DRGX: variants seen among roughly 807,000 people sequenced by gnomAD.
DRGX encodes the protein dorsal root ganglia homeobox protein.
Under a neutral mutation model 28.6 loss-of-function variants are expected in DRGX, and 21 were observed. The ratio of observed to expected loss-of-function variants is 0.73; its 90% CI spans 0.52 to 1.06. The LOEUF (loss-of-function observed/expected upper bound fraction) is 1.06, where lower values mean the gene tolerates loss of function less well. Ranked by LOEUF, DRGX falls within the 50% of genes least tolerant of loss-of-function variation. The pLI is 0.00. For synonymous variants in DRGX, 136 were observed against 139.1 expected (o/e 0.98, Z 0.16); for missense variants, 354 against 343.9 (o/e 1.03, Z -0.23).
At chr10:49,382,475 G>A (rs992202580) in intron 6 of DRGX, among the ~76,000 whole-genome samples, 7 of 152,216 alleles carry the variant, frequency 4.6e-5, no homozygotes, top group African/African-American at 7.2e-5. Flanking sequence ...CTCTGGGGAT[G>A]CAGGAAGATG....
At chr10:49,378,093 A>G (rs1341770917) in intron 6 of DRGX, among the ~76,000 whole-genome samples, 1 of 152,204 alleles carries the variant, frequency 6.6e-6, no homozygotes, top group Non-Finnish European at 1.5e-5. Context: ...TCCTACTAGT[A>G]TATTGAGAAA....
intron 4 of DRGX, among the ~76,000 whole-genome samples, chr10:49,388,460 G>GTTTC (rs1590370022): frequency 6.6e-6 from 1 of 152,136 alleles, no homozygotes; most frequent in Admixed American, 6.5e-5. Flanking sequence ...CTTTAACTGG[G>GTTTC]TTTCTTTCTT....
chr10:49,366,437 C>G, intron 6 of DRGX, 56 bp from the exon 7 acceptor site: 3 of 1,533,064 alleles, frequency 2.0e-6, no homozygotes, highest in Non-Finnish European at 1.8e-6. Flanking sequence ...CCTCTCAGGG[C>G]TGGGTGACAG....
chr10:49,383,062 G>C (rs1849794863), intron 6 of DRGX, among the ~76,000 whole-genome samples: 1 of 152,146 alleles, frequency 6.6e-6, no homozygotes, highest in Non-Finnish European at 1.5e-5. Flanking sequence ...CTGACCTGCT[G>C]ACTCCAAGGC....
chr10:49,366,693 A>G (rs1258543195), intron 6 of DRGX, among the ~76,000 whole-genome samples: 1 of 152,220 alleles, frequency 6.6e-6, no homozygotes, highest in Non-Finnish European at 1.5e-5. Context: ...AAATGGGGTA[A>G]TACCTACATT....
intron 2 of DRGX, among the ~76,000 whole-genome samples, chr10:49,394,477 C>T (rs1344744496): frequency 6.6e-6 from 1 of 152,154 alleles, no homozygotes; most frequent in Non-Finnish European, 1.5e-5. Flanking sequence ...AATGCCAGTC[C>T]GACGGTTACA....
Position 49,365,975 on chromosome 10 carries a change from G to T in DRGX, c.*141C>A. Reference sequence around the variant, plus strand: ...GCTCCAGGTGCCAAGGGAGCTGTGGGTCTCACTTGCCCGTCCTGGGTCCAT... The same window carrying T: ...GCTCCAGGTGCCAAGGGAGCTGTGGTTCTCACTTGCCCGTCCTGGGTCCAT... On this transcript the variant is annotated 3_prime_UTR_variant, in exon 7 of 7. Transcript: ENST00000374139. 1 of 1,006,782 alleles carries T rather than the reference G, an allele frequency of 9.9e-7. No homozygotes were observed. Among genetic ancestry groups the T allele is most frequent in the Non-Finnish European group, 1.4e-6 (1 of 738,212 alleles). 62.4% of individuals were successfully genotyped at this position (1,006,782 alleles called of 1,614,324 possible).
At chr10:49,375,649 A>G (rs1019382392) in intron 6 of DRGX, among the ~76,000 whole-genome samples, 3 of 152,166 alleles carry the variant, frequency 2.0e-5, no homozygotes, top group African/African-American at 7.2e-5. Context: ...GATGGGGGCC[A>G]ACTCAGCCGA....
chr10:49,376,065 A>G (rs1849712907), intron 6 of DRGX, among the ~76,000 whole-genome samples: 1 of 152,156 alleles, frequency 6.6e-6, no homozygotes. Flanking sequence ...GAGCAGAATC[A>G]ATACAGGGTG....
In DRGX at chr10:49,386,811, C is replaced by A; in HGVS notation, c.282G>T (p.Gly94=). Residue 94 remains glycine, a synonymous_variant, in exon 5 of 7, where the codon GGG becomes GGT. Coordinates refer to ENST00000374139, the MANE Select transcript of DRGX (RefSeq NM_001276451.2). The part of the protein sequence containing the change: ...RRAKWRKTER[G]ASDQEPGAKE... Reference sequence around the variant, plus strand: ...TGGCTCCTGGCTCCTGGTCTGAGGCCCCTCTCTCTGTCTTCCTCCATTTGG... The same window carrying A: ...TGGCTCCTGGCTCCTGGTCTGAGGCACCTCTCTCTGTCTTCCTCCATTTGG... The A allele has an allele frequency of 1.3e-6, 2 of 1,598,054 alleles. No homozygotes were observed. The highest frequency in any genetic ancestry group is 1.7e-6 in the Non-Finnish European group (2 of 1,173,888).
chr10:49,395,313 C>T, intron 2 of DRGX, 94 bp downstream of exon 2: 4 of 1,476,908 alleles, frequency 2.7e-6, no homozygotes, highest in Non-Finnish European at 2.7e-6. Context: ...CCCCGCAGGG[C>T]GGGGACCCAG....
intron 6 of DRGX, among the ~76,000 whole-genome samples, chr10:49,383,713 C>T (rs1244752156): frequency 6.6e-6 from 1 of 152,204 alleles, no homozygotes; most frequent in Non-Finnish European, 1.5e-5. Context: ...CTCGTGCCCT[C>T]TTAAGAAGAG....
At position 49,386,973 on chromosome 10, in the gene DRGX, T is replaced by C. The variant is rs531731607; in HGVS notation, c.235-115A>G. 122 of 1,251,230 alleles carry C rather than the reference T, an allele frequency of 9.8e-5. No homozygotes were observed. The South Asian group carries it at 1.5e-3, about 15-fold the overall frequency. 77.5% of individuals were successfully genotyped at this position (1,251,230 alleles called of 1,614,324 possible). A position where few individuals can be genotyped will look rare whatever the true frequency, so the allele number is the denominator to read the frequency against. ...ACCCTGCAGCCTCCTCTCCACACCATGCCCTCTGAACTGCAGCGTCAGGCC... is the reference window on the plus strand; with the variant it reads ...ACCCTGCAGCCTCCTCTCCACACCACGCCCTCTGAACTGCAGCGTCAGGCC... On this transcript the variant is annotated intron_variant, in intron 4 of 6. Transcript: ENST00000374139.
chr10:49,381,637 G>T lies in DRGX; in HGVS notation c.526+4841C>A, dbSNP rs557959054. On this transcript the variant is annotated intron_variant, in intron 6 of 6. Coordinates refer to ENST00000374139, the MANE Select transcript of DRGX (RefSeq NM_001276451.2). ...CCTCTGATGTGTAACCACACATAAT[G>T]CTCTCGGCGGTGCCCCAGTTGCTCA... Among the ~76,000 whole-genome samples, 9 of 152,358 alleles carry T rather than the reference G, an allele frequency of 5.9e-5. No homozygotes were observed. In the East Asian group the frequency reaches 1.5e-3, roughly 26 times the overall value.
In DRGX at chr10:49,366,000, T is replaced by C; in HGVS notation, c.*116A>G. The C allele has an allele frequency of 7.5e-7, 1 of 1,325,044 alleles. No individual in the cohort carries two copies. Among genetic ancestry groups the C allele is most frequent in the East Asian group, 2.6e-5 (1 of 38,968 alleles). The allele number at this position is 1,325,044 out of a possible 1,614,324, so 82.1% of individuals were successfully genotyped here. A position where few individuals can be genotyped will look rare whatever the true frequency, so the allele number is the denominator to read the frequency against. Reference sequence around the variant, plus strand: ...GTCTCACTTGCCCGTCCTGGGTCCATGCAGAGGCCCTGGGGCCGCAGGCTT... The same window carrying C: ...GTCTCACTTGCCCGTCCTGGGTCCACGCAGAGGCCCTGGGGCCGCAGGCTT... On this transcript the variant is annotated 3_prime_UTR_variant, in exon 7 of 7. Coordinates refer to ENST00000374139, the MANE Select transcript of DRGX (RefSeq NM_001276451.2).
At chr10:49,369,949 T>C (rs1330828206) in intron 6 of DRGX, among the ~76,000 whole-genome samples, 3 of 151,912 alleles carry the variant, frequency 2.0e-5, no homozygotes, top group African/African-American at 4.8e-5. Flanking sequence ...CCCACGTCCA[T>C]GGGGCTGGCA....
intron 6 of DRGX, among the ~76,000 whole-genome samples, chr10:49,378,244 G>T (rs73311907): frequency 0.053 from 7,972 of 151,718 alleles, 589 homozygotes; most frequent in African/African-American, 0.17. Flanking sequence ...ATTGATAAAG[G>T]GTATCTTTAA....
chr10:49,376,668 G>C (rs1390178283), intron 6 of DRGX, among the ~76,000 whole-genome samples: 1 of 152,180 alleles, frequency 6.6e-6, no homozygotes, highest in East Asian at 1.9e-4. Context: ...GGCTGTTACA[G>C]TCTTTGTTTC....
rs1316589904 is a variant in DRGX at position 49,390,207 on chromosome 10, G to C, written c.160C>G (p.Gln54Glu). ...QLEALEAVFAQTHYPDVFTRE... is the reference protein window; with the variant it reads ...QLEALEAVFAETHYPDVFTRE... ...GTGAAGACATCTGGATAGTGTGTTT[G>C]GGCAAAAACGGCCTCGAGAGCTTCC... The change falls in exon 4 of 7, where the codon CAA becomes GAA. Residue 54 changes from glutamine to glutamate, a missense_variant. Coordinates refer to ENST00000374139, the MANE Select transcript of DRGX (RefSeq NM_001276451.2). 6.2e-7 allele frequency: 1 copy of C among 1,612,086 alleles called. No homozygotes were observed. The highest frequency in any genetic ancestry group is 8.5e-7 in the Non-Finnish European group (1 of 1,179,138).
Sources: allele counts gnomAD v4.1 joint callset (sites outside exome capture counted in the v4.1 genomes callset), GRCh38; gene constraint gnomAD v4.1.1; transcripts MANE v1.5; gene names NCBI Gene and HGNC (gene_info 2026-07-23, HGNC 2026-07-21).